The following OR3A2 variants were observed in gnomAD, a reference collection of about 807,000 sequenced individuals.
OR3A2 encodes the protein olfactory receptor family 3 subfamily A member 2, also known as olfactory receptor 3A2.
For missense variants in OR3A2, 318 were observed against 392.8 expected (o/e 0.81, Z 1.61); for synonymous variants, 126 against 159.3 (o/e 0.79, Z 1.57).
chr17:3,292,312 G>A lies in OR3A2; in HGVS notation c.-84-13159C>T, dbSNP rs769908833. 5.0e-5 allele frequency: 81 copies of A among 1,613,996 alleles called. 1 individual carries two copies. The highest frequency in any genetic ancestry group is 4.4e-4 in the South Asian group (40 of 91,088). On this transcript the variant is annotated intron_variant, in intron 3 of 4. Transcript: ENST00000573491. ...GCCCCACAGGGAACTGCACGCTTGC[G>A]GGACAGGAGACGACTCAACATTGAT...
At position 3,384,231 on chromosome 17, in the gene OR3A2, T is replaced by C. The variant is rs532294268; in HGVS notation, c.-274-332A>G. On this transcript the variant is annotated intron_variant, in intron 1 of 4. Transcript: ENST00000573491. ...GGAGCAATGGGAGAAAAGAATGTGG[T>C]GTTTTAAGGAAGAGATTAAATGGGG... is the stretch of plus-strand genomic sequence containing the variant. Among the ~76,000 whole-genome samples, 28 of 152,276 alleles carry C rather than the reference T, an allele frequency of 1.8e-4. No homozygotes were observed. The South Asian group carries it at 5.4e-3, about 29-fold the overall frequency.
intron 2 of OR3A2, among the ~76,000 whole-genome samples, chr17:3,337,006 A>C (rs1804854583): frequency 1.3e-5 from 2 of 152,206 alleles, no homozygotes; most frequent in African/African-American, 4.8e-5. Context: ...TAGGTGAGCT[A>C]TGCACATGGG....
rs539345652 is a variant in OR3A2 at position 3,386,216 on chromosome 17, C to T, written c.-366G>A. 302 of 398,796 alleles carry T rather than the reference C, an allele frequency of 7.6e-4. 1 individual carries two copies. The highest frequency in any genetic ancestry group is 5.4e-3 in the African/African-American group (262 of 48,762). 24.7% of individuals were successfully genotyped at this position (398,796 alleles called of 1,614,324 possible). The stretch of plus-strand genomic sequence containing the variant: ...CCGGGCCAGGCCATATCCTTCCAGG[C>T]GTGCTTTGCCGAGATGTACTTCTTC... On this transcript the variant is annotated 5_prime_UTR_variant, in exon 1 of 5. Coordinates refer to the OR3A2 transcript ENST00000573491.
intron 2 of OR3A2, among the ~76,000 whole-genome samples, chr17:3,374,465 C>G (rs1245489057): frequency 6.6e-6 from 1 of 152,128 alleles, no homozygotes; most frequent in Non-Finnish European, 1.5e-5. Context: ...AACATAATCC[C>G]AAATTTATTG....
intron 2 of OR3A2, among the ~76,000 whole-genome samples, chr17:3,336,802 A>T (rs960064358): frequency 4.6e-5 from 7 of 152,256 alleles, no homozygotes; most frequent in African/African-American, 1.4e-4. Context: ...ATCATTTTTT[A>T]AAAAAACTTC....
At chr17:3,287,528 G>A (rs369522736), upstream of OR3A2, among the ~76,000 whole-genome samples, 14 of 152,136 alleles carry the variant, frequency 9.2e-5, no homozygotes, top group East Asian at 1.9e-4. Flanking sequence ...TAAAATTTTC[G>A]TCTGTTAGTG....
In OR3A2 at chr17:3,331,117, C is replaced by T. The variant is rs552647791; in HGVS notation, c.-85+4916G>A. Reference sequence around the variant, plus strand: ...TGATGGGCTTCCCTTTGAGGGTAACCCGACCTTTCTCTCTGGCTGCCCTTA... The same window carrying T: ...TGATGGGCTTCCCTTTGAGGGTAACTCGACCTTTCTCTCTGGCTGCCCTTA... On this transcript the variant is annotated intron_variant, in intron 3 of 4. Transcript: ENST00000573491. Among the ~76,000 whole-genome samples the T allele has an allele frequency of 2.4e-4, 37 of 152,232 alleles. No homozygotes were observed. The Middle Eastern group carries it at 0.01, about 42-fold the overall frequency.
At chr17:3,306,957 G>A (rs1204946683) in intron 3 of OR3A2, among the ~76,000 whole-genome samples, 1 of 152,290 alleles carries the variant, frequency 6.6e-6, no homozygotes, top group Admixed American at 6.5e-5. Context: ...TGGTTCAACT[G>A]GATTTACACA....
intron 3 of OR3A2, among the ~76,000 whole-genome samples, chr17:3,306,154 G>T (rs934311832): frequency 6.6e-6 from 1 of 152,102 alleles, no homozygotes; most frequent in Non-Finnish European, 1.5e-5. Flanking sequence ...GTTGTTGTTT[G>T]TTTGCCTGTT....
At chr17:3,292,646 A>T in intron 3 of OR3A2, 1 of 1,400,576 alleles carries the variant, frequency 7.1e-7, no homozygotes, top group African/African-American at 1.4e-5. Context: ...TTATTTACTC[A>T]AGAAAAAGAA....
intron 3 of OR3A2, among the ~76,000 whole-genome samples, chr17:3,303,350 C>G (rs1403170274): frequency 6.6e-6 from 1 of 152,122 alleles, no homozygotes; most frequent in African/African-American, 2.4e-5. Flanking sequence ...CAAGCCTCTA[C>G]TCATCATATG....
chr17:3,385,427 CAGAT>C (rs1414337062), intron 1 of OR3A2, among the ~76,000 whole-genome samples: 1 of 151,944 alleles, frequency 6.6e-6, no homozygotes, highest in African/African-American at 2.4e-5. Flanking sequence ...ACAGCAAAGA[CAGAT>C]GGATAGATGA....
At position 3,327,116 on chromosome 17, in the gene OR3A2, T is replaced by C. The variant is rs1344242096; in HGVS notation, c.-85+8917A>G. On this transcript the variant is annotated intron_variant, in intron 3 of 4. Transcript: ENST00000573491. ...AAATGGTATTTCTAGTTCTAGATCC[T>C]TGAGGAATCGCGACACTGACTTCCA... Among the ~76,000 whole-genome samples, 4 of 74,128 alleles carry C rather than the reference T, an allele frequency of 5.4e-5. 1 individual carries two copies. Among genetic ancestry groups the C allele is most frequent in the African/African-American group, 2.6e-4 (3 of 11,470 alleles). 48.6% of individuals were successfully genotyped at this position (74,128 alleles called of 152,430 possible).
chr17:3,334,858 GT>G (rs1408607726), intron 3 of OR3A2, among the ~76,000 whole-genome samples: 2 of 152,154 alleles, frequency 1.3e-5, no homozygotes, highest in African/African-American at 4.8e-5. Flanking sequence ...TATGTAGTAA[GT>G]TTTTTAACTA....
At position 3,372,560 on chromosome 17, in the gene OR3A2, G is replaced by A. The variant is rs374067237; in HGVS notation, c.-179+11244C>T. 4.6e-4 allele frequency among the ~76,000 whole-genome samples: 70 copies of A among 152,078 alleles called. No individual in the cohort carries two copies. The East Asian group carries it at 7.8e-3, about 17-fold the overall frequency. On this transcript the variant is annotated intron_variant, in intron 2 of 4. Transcript: ENST00000573491. ...TTGAGCACTGAGTGAACGAGACTCC[G>A]TCTGCAATCCCGGCACCTCGGGAGG... is the stretch of plus-strand genomic sequence containing the variant.
chr17:3,278,121 C>A, exon 2 of OR3A2: 1 of 1,614,230 alleles, frequency 6.2e-7, no homozygotes, highest in Non-Finnish European at 8.5e-7. Context: ...CTCCTCTGAA[C>A]CCAGTCTCAT....
At chr17:3,350,784 A>G (rs1367711791) in intron 2 of OR3A2, among the ~76,000 whole-genome samples, 6 of 150,466 alleles carry the variant, frequency 4.0e-5, no homozygotes, top group African/African-American at 7.3e-5. Context: ...AAAATCCTCA[A>G]TAAAATACTG....
At chr17:3,318,074 T>G (rs1597336414) in intron 3 of OR3A2, among the ~76,000 whole-genome samples, 1 of 152,282 alleles carries the variant, frequency 6.6e-6, no homozygotes, top group East Asian at 1.9e-4. Context: ...TCGGGAGATA[T>G]CTATCCAGCA....
At chr17:3,316,971 T>A (rs1428204736) in intron 3 of OR3A2, among the ~76,000 whole-genome samples, 1 of 152,218 alleles carries the variant, frequency 6.6e-6, no homozygotes, top group African/African-American at 2.4e-5. Context: ...CTTCCAAGTA[T>A]CTCAGGCTTT....
Sources: allele counts gnomAD v4.1 joint callset (sites outside exome capture counted in the v4.1 genomes callset), GRCh38; gene constraint gnomAD v4.1.1; transcripts MANE v1.5; gene names NCBI Gene and HGNC (gene_info 2026-07-23, HGNC 2026-07-21).